PTPRD: variants seen among roughly 807,000 people sequenced by gnomAD.
The protein encoded by PTPRD is protein tyrosine phosphatase receptor type D.
In PTPRD, 34 loss-of-function variants were observed where a neutral mutation model predicts 214.5. That is an observed-to-expected ratio of 0.16 (90% CI 0.12 to 0.21). The LOEUF (loss-of-function observed/expected upper bound fraction) is 0.21, where lower values mean the gene tolerates loss of function less well. PTPRD is among the 10% of genes least tolerant of loss of function. The probability of loss-of-function intolerance (pLI) is 1.00; values close to 1 mark genes in which losing one functional copy is unlikely to be tolerated. For synonymous variants in PTPRD, 1,128 were observed against 845.7 expected (o/e 1.33, Z -5.79); for missense variants, 2,545 against 2,398.7 (o/e 1.06, Z -1.27).
intron 8 of PTPRD, among the ~76,000 whole-genome samples, chr9:9,423,885 G>A (rs1588019018): frequency 6.6e-6 from 1 of 152,182 alleles, no homozygotes; most frequent in East Asian, 1.9e-4. Flanking sequence ...AAACTTACGA[G>A]AAACAATGAA....
chr9:9,896,012 G>A (rs967096685), intron 5 of PTPRD, among the ~76,000 whole-genome samples: 5 of 152,106 alleles, frequency 3.3e-5, no homozygotes, highest in East Asian at 3.9e-4. Context: ...GTCACAGTTC[G>A]TCTACTGCAA....
At chr9:9,103,990 TAATA>T (rs1400003202) in intron 10 of PTPRD, among the ~76,000 whole-genome samples, 1 of 152,046 alleles carries the variant, frequency 6.6e-6, no homozygotes, top group East Asian at 1.9e-4. Flanking sequence ...CTCAAAAAAT[TAATA>T]AATAAATAAA....
intron 10 of PTPRD, among the ~76,000 whole-genome samples, chr9:9,089,981 T>C (rs957939367): frequency 6.6e-6 from 1 of 152,242 alleles, no homozygotes; most frequent in Non-Finnish European, 1.5e-5. Flanking sequence ...GTATATGTGA[T>C]ATTTTGATAC....
At chr9:9,514,158 C>T (rs940074236) in intron 8 of PTPRD, among the ~76,000 whole-genome samples, 3 of 151,988 alleles carry the variant, frequency 2.0e-5, no homozygotes, top group African/African-American at 7.2e-5. Context: ...CAGAAACAGA[C>T]ATGCAATTTT....
intron 11 of PTPRD, chr9:8,797,121 G>T (rs1445909047): frequency 6.6e-6 from 1 of 152,030 alleles, no homozygotes; most frequent in Non-Finnish European, 1.5e-5. Flanking sequence ...CACAAGATTT[G>T]ATCATGTTAT....
chr9:9,422,475 G>A (rs2079169757), intron 8 of PTPRD, among the ~76,000 whole-genome samples: 1 of 152,050 alleles, frequency 6.6e-6, no homozygotes, highest in South Asian at 2.1e-4. Flanking sequence ...TTTTTTTAAA[G>A]CACTGGAGAG....
intron 3 of PTPRD, among the ~76,000 whole-genome samples, chr9:10,134,210 T>C (rs145869689): frequency 2.2e-3 from 340 of 152,256 alleles, no homozygotes; most frequent in African/African-American, 7.4e-3. Flanking sequence ...AGAGGACCAG[T>C]GGGTCTCCAG....
chr9:10,183,852 G>C (rs539890623), intron 3 of PTPRD, among the ~76,000 whole-genome samples: 1 of 152,164 alleles, frequency 6.6e-6, no homozygotes, highest in African/African-American at 2.4e-5. Flanking sequence ...ATATTAAAAA[G>C]TAAAGACAGA....
intron 9 of PTPRD, among the ~76,000 whole-genome samples, chr9:9,352,708 T>A (rs2138335051): frequency 6.6e-6 from 1 of 152,090 alleles, no homozygotes; most frequent in South Asian, 2.1e-4. Context: ...AACTATGAAT[T>A]ATGTCTACAT....
intron 8 of PTPRD, among the ~76,000 whole-genome samples, chr9:9,470,692 T>C (rs915270536): frequency 5.3e-5 from 8 of 152,206 alleles, no homozygotes; most frequent in Admixed American, 3.3e-4. Context: ...CATTCTCTAC[T>C]ACCTTAATAA....
At chr9:9,586,798 T>C (rs2092052207) in intron 7 of PTPRD, among the ~76,000 whole-genome samples, 1 of 151,990 alleles carries the variant, frequency 6.6e-6, no homozygotes, top group African/African-American at 2.4e-5. Flanking sequence ...AAAAGAGATA[T>C]ATCACTTTGA....
chr9:10,248,857 T>A (rs1036493425), intron 3 of PTPRD, among the ~76,000 whole-genome samples: 12 of 137,566 alleles, frequency 8.7e-5, no homozygotes, highest in African/African-American at 3.0e-4. Flanking sequence ...AAGCTTCTTA[T>A]GCACAGAGGT....
At chr9:10,078,454 C>T (rs34915697) in intron 3 of PTPRD, among the ~76,000 whole-genome samples, 32,027 of 143,518 alleles carry the variant, frequency 0.22, 3,769 homozygotes, top group South Asian at 0.32. Context: ...AGGTGGAGCT[C>T]GTAGTGAGCC....
intron 3 of PTPRD, among the ~76,000 whole-genome samples, chr9:10,153,936 G>A (rs2099077782): frequency 6.6e-6 from 1 of 151,976 alleles, no homozygotes; most frequent in South Asian, 2.1e-4. Flanking sequence ...GAATAGTGTT[G>A]CAATGAACAG....
intron 5 of PTPRD, among the ~76,000 whole-genome samples, chr9:9,775,954 C>CGAA (rs1275347595): frequency 1.0e-4 from 3 of 28,924 alleles, no homozygotes; most frequent in African/African-American, 4.3e-4. Context: ...GACTCTGTCT[C>CGAA]AAAAAAAAAA....
At chr9:8,610,131 T>C (rs1205159566) in intron 14 of PTPRD, among the ~76,000 whole-genome samples, 1 of 148,908 alleles carries the variant, frequency 6.7e-6, no homozygotes, top group African/African-American at 2.6e-5. Flanking sequence ...CAGCACACTT[T>C]TTGTTAAGTG....
intron 12 of PTPRD, among the ~76,000 whole-genome samples, chr9:8,672,301 G>A (rs536697025): frequency 3.3e-5 from 5 of 152,164 alleles, no homozygotes; most frequent in East Asian, 1.9e-4. Context: ...TATGCAAATG[G>A]GTTTTCATCA....
intron 7 of PTPRD, among the ~76,000 whole-genome samples, chr9:9,622,033 T>C (rs2095260610): frequency 6.6e-6 from 1 of 152,206 alleles, no homozygotes; most frequent in Non-Finnish European, 1.5e-5. Context: ...AGTATTATTA[T>C]TTGGATATAT....
chr9:10,487,196 A>C (rs1429225348), intron 2 of PTPRD, among the ~76,000 whole-genome samples: 1 of 152,026 alleles, frequency 6.6e-6, no homozygotes, highest in Non-Finnish European at 1.5e-5. Context: ...CTTATAGGTG[A>C]AGTGTGTTTC....
Sources: gnomAD v4.1 joint callset for allele counts (sites outside exome capture counted in the v4.1 genomes callset) on GRCh38, gnomAD v4.1.1 for gene constraint, MANE v1.5 for transcripts, NCBI Gene and HGNC (gene_info 2026-07-23, HGNC 2026-07-21) for gene names.